The following CLPB variants were observed in gnomAD, a reference collection of about 807,000 sequenced individuals.
The protein encoded by CLPB is mitochondrial disaggregase.
A neutral mutation model predicts 78.4 loss-of-function variants in CLPB; 40 were observed. That is an observed-to-expected ratio of 0.51 (90% confidence interval 0.40 to 0.66). The LOEUF is 0.66. CLPB is among the 30% of genes least tolerant of loss of function. CLPB has a pLI of 0.00. For missense variants in CLPB, 780 were observed against 886.9 expected (o/e 0.88, Z 1.53); for synonymous variants, 333 against 348.0 (o/e 0.96, Z 0.48).
rs1461986954 is a variant in CLPB at position 72,286,915 on chromosome 11, C to A, written c.*6452G>T. On this transcript the variant is annotated 3_prime_UTR_variant, in exon 16 of 16. Transcript: ENST00000538039. ...TACATTTTCTGAAAACAAGGACGTTCTCTTCTGTAATCATAGTATAATTAT... is the reference window on the plus strand; with the variant it reads ...TACATTTTCTGAAAACAAGGACGTTATCTTCTGTAATCATAGTATAATTAT... 1.3e-5 allele frequency: 2 copies of A among 152,090 alleles called. No homozygotes were observed. Among genetic ancestry groups the A allele is most frequent in the African/African-American group, 4.8e-5 (2 of 41,410 alleles). 9.4% of individuals were successfully genotyped at this position (152,090 alleles called of 1,614,324 possible). A position where few individuals can be genotyped will look rare whatever the true frequency, so the allele number is the denominator to read the frequency against.
intron 6 of CLPB, among the ~76,000 whole-genome samples, chr11:72,326,971 T>C (rs1950144238): frequency 6.6e-6 from 1 of 152,212 alleles, no homozygotes; most frequent in African/African-American, 2.4e-5. Flanking sequence ...TAGAATCTGA[T>C]GGGACAGCAA....
At chr11:72,294,740 T>G (rs765389309) in intron 12 of CLPB, 47 bp from the exon 13 acceptor site, 2 of 1,527,950 alleles carry the variant, frequency 1.3e-6, no homozygotes, top group Admixed American at 3.3e-5. Context: ...TTCAGGGAAC[T>G]TTGGGGGCTG....
At chr11:72,375,949 C>T (rs1439888887) in intron 4 of CLPB, among the ~76,000 whole-genome samples, 1 of 152,130 alleles carries the variant, frequency 6.6e-6, no homozygotes, top group Non-Finnish European at 1.5e-5. Flanking sequence ...GAGGTCTTGC[C>T]AAAGCCACAA....
chr11:72,357,290 T>C (rs1259111492), intron 5 of CLPB, among the ~76,000 whole-genome samples: 1 of 152,214 alleles, frequency 6.6e-6, no homozygotes, highest in Non-Finnish European at 1.5e-5. Flanking sequence ...CTGGGGATGC[T>C]GGGCCTGTGG....
chr11:72,298,761 G>T (rs1478949243), intron 11 of CLPB, among the ~76,000 whole-genome samples: 1 of 152,220 alleles, frequency 6.6e-6, no homozygotes. Context: ...GCCTTCCAAA[G>T]TGCTGGGATT....
chr11:72,314,551 G>A (rs1949905631), intron 7 of CLPB, among the ~76,000 whole-genome samples: 1 of 152,060 alleles, frequency 6.6e-6, no homozygotes, highest in African/African-American at 2.4e-5. Context: ...ATGGACAAGG[G>A]GCCAGACCAA....
intron 11 of CLPB, among the ~76,000 whole-genome samples, chr11:72,300,074 C>T (rs565088417): frequency 9.2e-5 from 14 of 152,120 alleles, no homozygotes; most frequent in Non-Finnish European, 1.5e-4. Flanking sequence ...AGACGGACCT[C>T]GCTCTTTTGG....
At chr11:72,319,881 G>C (rs1258213759) in intron 6 of CLPB, among the ~76,000 whole-genome samples, 1 of 152,080 alleles carries the variant, frequency 6.6e-6, no homozygotes, top group Non-Finnish European at 1.5e-5. Context: ...GTGCCTTTTT[G>C]TTTTTGGTAC....
At chr11:72,359,057 C>T in intron 4 of CLPB, 49 bp from the exon 5 acceptor site, 1 of 1,609,694 alleles carries the variant, frequency 6.2e-7, no homozygotes, top group Non-Finnish European at 8.5e-7. Flanking sequence ...ACAGCATGAG[C>T]CACCAATCTC....
At chr11:72,377,858 T>C (rs536151460) in intron 4 of CLPB, among the ~76,000 whole-genome samples, 28 of 152,372 alleles carry the variant, frequency 1.8e-4, no homozygotes, top group Non-Finnish European at 2.4e-4. Context: ...TATTGAAACA[T>C]ATCCACATCA....
chr11:72,393,337 T>C (rs1855309639), intron 3 of CLPB, among the ~76,000 whole-genome samples: 1 of 152,154 alleles, frequency 6.6e-6, no homozygotes, highest in African/African-American at 2.4e-5. Flanking sequence ...CTGGCATATC[T>C]CTTAGACTCG....
chr11:72,339,541 T>G (rs147021307), intron 5 of CLPB, among the ~76,000 whole-genome samples: 1 of 152,338 alleles, frequency 6.6e-6, no homozygotes, highest in African/African-American at 2.4e-5. Flanking sequence ...GTTCAAGCAT[T>G]AAATGGACAA....
intron 3 of CLPB, among the ~76,000 whole-genome samples, chr11:72,395,666 G>T (rs1855384232): frequency 6.6e-6 from 1 of 152,164 alleles, no homozygotes; most frequent in Non-Finnish European, 1.5e-5. Context: ...GCCTCCTTGG[G>T]CAGAAGGTAG....
At chr11:72,337,565 A>G (rs1169828582) in intron 5 of CLPB, among the ~76,000 whole-genome samples, 2 of 152,226 alleles carry the variant, frequency 1.3e-5, no homozygotes, top group Non-Finnish European at 2.9e-5. Context: ...GAAAACTAAA[A>G]TAATTTACCC....
chr11:72,355,538 C>A (rs956424226), intron 5 of CLPB, among the ~76,000 whole-genome samples: 1 of 152,222 alleles, frequency 6.6e-6, no homozygotes, highest in African/African-American at 2.4e-5. Flanking sequence ...TCATGCTATC[C>A]TTGTGAAACA....
Position 72,294,623 on chromosome 11 carries a change from C to T in CLPB, c.1557G>A (p.Leu519=), listed in dbSNP as rs755229925. ...AGTGCCAAGAAAGACCTCTTACTTTCAGGATAGGGCGAATCACATTCTCCT... is the reference window on the plus strand; with the variant it reads ...AGTGCCAAGAAAGACCTCTTACTTTTAGGATAGGGCGAATCACATTCTCCT... ...NFKENVIRPI[L]KAHFRRDEFL... Residue 519 remains leucine (L), a synonymous_variant, in exon 13 of 16, where the codon CTG becomes CTA. Transcript: ENST00000538039. The T allele has an allele frequency of 3.1e-6, 5 of 1,613,984 alleles. No homozygotes were observed. Among genetic ancestry groups the T allele is most frequent in the Non-Finnish European group, 4.2e-6 (5 of 1,179,828 alleles).
At chr11:72,354,251 C>A in intron 5 of CLPB, 1 of 393,866 alleles carries the variant, frequency 2.5e-6, no homozygotes, top group South Asian at 1.3e-4. Context: ...GTGATTTTCT[C>A]AATGCTTCCA....
chr11:72,293,657 C>T (rs761004799), intron 15 of CLPB, 42 bp from the exon 16 acceptor site: 2 of 1,581,476 alleles, frequency 1.3e-6, no homozygotes, highest in Admixed American at 1.7e-5. Flanking sequence ...TCGGCCTGGA[C>T]CCAGCTTGGA....
rs1003356745 is a variant in CLPB at position 72,288,193 on chromosome 11, A to G, written c.*5174T>C. The G allele has an allele frequency of 3.9e-5, 6 of 152,176 alleles. No individual in the cohort carries two copies. Among genetic ancestry groups the G allele is most frequent in the African/African-American group, 9.7e-5 (4 of 41,442 alleles). 9.4% of individuals were successfully genotyped at this position (152,176 alleles called of 1,614,324 possible). ...GGTCTCATGTATTCTAGGATCCTCA[A>G]TAAGGAATTTGGGGCCGGGTACAGT... On this transcript the variant is annotated 3_prime_UTR_variant, in exon 16 of 16. Transcript: ENST00000538039.
Sources: gnomAD v4.1 joint callset for allele counts (sites outside exome capture counted in the v4.1 genomes callset) on GRCh38, gnomAD v4.1.1 for gene constraint, MANE v1.5 for transcripts, NCBI Gene and HGNC (gene_info 2026-07-23, HGNC 2026-07-21) for gene names.